Variants in CCDC102B observed in about 807,000 individuals in gnomAD.
The protein encoded by CCDC102B is coiled-coil domain-containing protein 102B.
CCDC102B carries 75 observed loss-of-function variants against 57.4 expected under a neutral mutation model. The observed-to-expected ratio is 1.31, with a 90% CI of 1.08 to 1.58. The LOEUF (loss-of-function observed/expected upper bound fraction) is 1.58, where lower values mean the gene tolerates loss of function less well. CCDC102B is among the 40% of genes most tolerant of loss of function. The pLI, the probability that CCDC102B is intolerant of heterozygous loss-of-function variation, is 0.00. For synonymous variants in CCDC102B, 206 were observed against 201.9 expected, an observed-to-expected ratio of 1.02 and a Z score of -0.17; for missense variants, 636 against 582.6, an observed-to-expected ratio of 1.09 and a Z score of -0.94.
At position 68,897,392 on chromosome 18, in the gene CCDC102B, C is replaced by G. The variant is rs267605247; in HGVS notation, c.1227C>G (p.Phe409Leu). ...GTGCAAACTCTCAAAGTCCTGATTT[C>G]AAGATGTCACAAATTGATCTGCAAG... is the stretch of plus-strand genomic sequence containing the variant. ...RLSANSQSPDFKMSQIDLQEK... is the reference protein window; with the variant it reads ...RLSANSQSPDLKMSQIDLQEK... The change falls in exon 6 of 8, where the codon TTC (phenylalanine) becomes TTG (leucine). Residue 409 changes from phenylalanine to leucine, a missense_variant. Coordinates refer to ENST00000360242, the MANE Select transcript of CCDC102B (RefSeq NM_024781.3). The G allele has an allele frequency of 1.9e-6, 3 of 1,611,634 alleles. No homozygotes were observed. The East Asian group carries it at 6.7e-5, about 36-fold the overall frequency.
intron 5 of CCDC102B, among the ~76,000 whole-genome samples, chr18:68,876,839 A>C (rs1343529481): frequency 6.6e-6 from 1 of 152,210 alleles, no homozygotes; most frequent in Non-Finnish European, 1.5e-5. Flanking sequence ...AACAGAATCA[A>C]GCTGTCACAG....
chr18:68,885,016 T>A (rs2039831620), intron 5 of CCDC102B, among the ~76,000 whole-genome samples: 2 of 151,918 alleles, frequency 1.3e-5, no homozygotes, highest in African/African-American at 4.8e-5. Context: ...AATTTATTTT[T>A]AAAAAATAAT....
chr18:68,857,274 TA>T (rs1230844170), intron 4 of CCDC102B, among the ~76,000 whole-genome samples: 1,202 of 35,896 alleles, frequency 0.033, 175 homozygotes, highest in African/African-American at 0.041. Context: ...TAAATATATA[TA>T]TAATATATAT....
intron 6 of CCDC102B, among the ~76,000 whole-genome samples, chr18:68,931,091 CTT>C (rs2041657361): frequency 6.6e-6 from 1 of 151,618 alleles, no homozygotes. Flanking sequence ...AGATTTAACA[CTT>C]TGAGTAGATA....
chr18:68,731,325 G>A (rs1022086730), intron 2 of CCDC102B, among the ~76,000 whole-genome samples: 6 of 152,104 alleles, frequency 3.9e-5, no homozygotes, highest in African/African-American at 1.4e-4. Context: ...TATTTTCGAT[G>A]CTGAGATGAT....
intron 3 of CCDC102B, among the ~76,000 whole-genome samples, chr18:68,844,796 A>G (rs1183032702): frequency 6.6e-6 from 1 of 151,896 alleles, no homozygotes; most frequent in African/African-American, 2.4e-5. Context: ...CAAAAATTAT[A>G]TCATTATAAG....
At chr18:68,939,073 T>C (rs1599721519) in intron 6 of CCDC102B, among the ~76,000 whole-genome samples, 1 of 151,816 alleles carries the variant, frequency 6.6e-6, no homozygotes. Context: ...TATTGTGATG[T>C]AGAAAATAAG....
intron 6 of CCDC102B, among the ~76,000 whole-genome samples, chr18:68,962,277 A>G (rs2050064535): frequency 1.3e-5 from 2 of 152,080 alleles, no homozygotes; most frequent in Non-Finnish European, 2.9e-5. Flanking sequence ...CTCTGCATGG[A>G]TACCTTACAA....
At position 69,054,660 on chromosome 18, in the gene CCDC102B, CT is replaced by C. The variant is rs2052785482; in HGVS notation, c.*526del. ...TATAATTTTATAAGTCATTTCTAAT[CT>C]TTGTATAAAACAGAAGTGAGCAGAT... On this transcript the variant is annotated 3_prime_UTR_variant, in exon 8 of 8. Transcript: ENST00000360242. 1 of 980,652 alleles carries C rather than the reference CT, an allele frequency of 1.0e-6. No individual in the cohort carries two copies. Among genetic ancestry groups the C allele is most frequent in the Non-Finnish European group, 1.2e-6 (1 of 825,838 alleles). The allele number at this position is 980,652 out of a possible 1,614,324, so 60.7% of individuals were successfully genotyped here.
intron 7 of CCDC102B, among the ~76,000 whole-genome samples, chr18:69,041,959 C>CT (rs1046304497): frequency 2.0e-5 from 3 of 151,942 alleles, no homozygotes; most frequent in Non-Finnish European, 4.4e-5. Context: ...TTTGTTGTTG[C>CT]TTTTTTTCTC....
intron 2 of CCDC102B, among the ~76,000 whole-genome samples, chr18:68,746,525 A>G (rs2033626771): frequency 6.6e-6 from 1 of 152,164 alleles, no homozygotes; most frequent in Admixed American, 6.6e-5. Context: ...ATTCCTGAAC[A>G]GCGAAATGAT....
In CCDC102B at chr18:69,036,578, C is replaced by T. The variant is rs118060788; in HGVS notation, c.1435-17452C>T. ...ATGACTTTTAACAACAGTGGAAGGG[C>T]GTCTGTTGCTTTAGCCTAACCAGCA... On this transcript the variant is annotated intron_variant, in intron 7 of 7. Transcript: ENST00000360242. Among the ~76,000 whole-genome samples the T allele has an allele frequency of 0.01, 1,581 of 152,158 alleles. 80 individuals are homozygous for T. The East Asian group carries it at 0.15, about 14-fold the overall frequency.
intron 6 of CCDC102B, among the ~76,000 whole-genome samples, chr18:68,914,051 G>C (rs1019543680): frequency 1.3e-5 from 2 of 152,156 alleles, no homozygotes; most frequent in South Asian, 4.1e-4. Context: ...ACTATATTCG[G>C]AAAATGACAA....
chr18:68,945,949 A>G (rs1447082558), intron 6 of CCDC102B, among the ~76,000 whole-genome samples: 1 of 151,926 alleles, frequency 6.6e-6, no homozygotes, highest in African/African-American at 2.4e-5. Context: ...TCTAACATAC[A>G]TTATGTGTAC....
At chr18:68,920,473 A>T (rs1403555335) in intron 6 of CCDC102B, among the ~76,000 whole-genome samples, 3 of 152,138 alleles carry the variant, frequency 2.0e-5, no homozygotes, top group Non-Finnish European at 4.4e-5. Context: ...CACACTGCTG[A>T]TAAAGATATA....
chr18:68,770,532 G>A (rs2034605598), intron 2 of CCDC102B, among the ~76,000 whole-genome samples: 1 of 152,164 alleles, frequency 6.6e-6, no homozygotes, highest in African/African-American at 2.4e-5. Context: ...AGGCAAGGTT[G>A]TGGATGCATC....
chr18:68,898,181 A>G (rs961024552), intron 6 of CCDC102B, among the ~76,000 whole-genome samples: 1 of 152,078 alleles, frequency 6.6e-6, no homozygotes, highest in Admixed American at 6.6e-5. Context: ...TCAATTATAT[A>G]TAGCATCTTA....
At chr18:68,953,289 C>G (rs1015832732) in intron 6 of CCDC102B, among the ~76,000 whole-genome samples, 1 of 151,216 alleles carries the variant, frequency 6.6e-6, no homozygotes, top group African/African-American at 2.4e-5. Flanking sequence ...AGTTGCTGCA[C>G]CATTTTGCCT....
At chr18:68,818,101 T>G (rs1398828969) in intron 1 of CCDC102B, among the ~76,000 whole-genome samples, 3 of 152,196 alleles carry the variant, frequency 2.0e-5, no homozygotes, top group Non-Finnish European at 2.9e-5. Flanking sequence ...GTATTGAGAC[T>G]CATTGAGTTT....
Sources: allele counts gnomAD v4.1 joint callset (sites outside exome capture counted in the v4.1 genomes callset), GRCh38; gene constraint gnomAD v4.1.1; transcripts MANE v1.5; gene names NCBI Gene and HGNC (gene_info 2026-07-23, HGNC 2026-07-21).